The following SUPT5H variants were observed in gnomAD, a reference collection of about 807,000 sequenced individuals.
SUPT5H encodes the protein transcription elongation factor SPT5.
SUPT5H carries 24 observed loss-of-function variants against 142.5 expected under a neutral mutation model. The observed-to-expected ratio is 0.17, with a 90% CI of 0.12 to 0.24. The LOEUF is 0.24. Ranked by LOEUF, SUPT5H falls within the 10% of genes least tolerant of loss-of-function variation. The pLI is 1.00. For missense variants in SUPT5H, 893 were observed against 1,471.8 expected, an observed-to-expected ratio of 0.61 and a Z score of 6.43; for synonymous variants, 546 against 553.0, an observed-to-expected ratio of 0.99 and a Z score of 0.18.
rs2079214066 is a variant in SUPT5H, at chr19:39,464,845, C to T, written c.672C>T (p.Tyr224=). The T allele has an allele frequency of 2.5e-6, 4 of 1,614,116 alleles. No individual in the cohort carries two copies. The highest frequency in any genetic ancestry group is 3.4e-6 in the Non-Finnish European group (4 of 1,179,954). The stretch of plus-strand genomic sequence containing the variant: ...TGGCACCAGAGCATGTGAAGGGCTA[C>T]ATCTACGTGGAGGCCTACAAGCAGA... ...SVVAPEHVKG[Y]IYVEAYKQTH... is the part of the protein sequence containing the mutation. Residue 224 remains tyrosine, a synonymous_variant, in exon 11 of 30, where the codon TAC becomes TAT. Transcript: ENST00000432763.
intron 2 of SUPT5H, among the ~76,000 whole-genome samples, chr19:39,452,887 C>T (rs1189781483): frequency 6.6e-6 from 1 of 151,890 alleles, no homozygotes; most frequent in African/African-American, 2.4e-5. Flanking sequence ...GTGGCGCACA[C>T]CTGTAATCTC....
In SUPT5H at chr19:39,473,813, G is replaced by T; in HGVS notation, c.2493-150G>T. On this transcript the variant is annotated intron_variant, in intron 25 of 29. Transcript: ENST00000432763. The surrounding 1 kb of genome is among the most constrained non-coding windows in gnomAD (Gnocchi z 5.8). ...ATCTCTGTCAACCACAGTGTCAGCTGTGGAAGGGAAATAACATCAGGAGTG... is the reference window on the plus strand; with the variant it reads ...ATCTCTGTCAACCACAGTGTCAGCTTTGGAAGGGAAATAACATCAGGAGTG... 8.7e-7 allele frequency: 1 copy of T among 1,148,142 alleles called. No individual in the cohort carries two copies. Among genetic ancestry groups the T allele is most frequent in the Non-Finnish European group, 1.3e-6 (1 of 785,146 alleles). 71.1% of individuals were successfully genotyped at this position (1,148,142 alleles called of 1,614,324 possible). A position where few individuals can be genotyped will look rare whatever the true frequency, so the allele number is the denominator to read the frequency against.
chr19:39,453,012 CAAAA>C (rs201092518), intron 2 of SUPT5H, among the ~76,000 whole-genome samples: 9 of 109,320 alleles, frequency 8.2e-5, no homozygotes, highest in Admixed American at 9.6e-5. Context: ...GACTCTGTCT[CAAAA>C]AAAAAAAAAA....
intron 3 of SUPT5H, among the ~76,000 whole-genome samples, chr19:39,454,074 A>G (rs534511663): frequency 3.3e-5 from 5 of 152,214 alleles, no homozygotes; most frequent in Non-Finnish European, 5.9e-5. Flanking sequence ...AGGTAGTCTG[A>G]GAATCTAATT....
Position 39,458,262 on chromosome 19 carries a change from CCACCACCACCA to C in SUPT5H, c.308-30_308-20del. On this transcript the variant is annotated intron_variant, in intron 4 of 29. Transcript: ENST00000432763. This position sits in a 1 kb window ranked among gnomAD's most constrained non-coding sequence, Gnocchi z 4.2. Reference sequence around the variant, plus strand: ...ACCACCACCACCACCACCACCACCACCACCACCACCACCTCCTCTTCCTCCAAGTAGAAGAG... The same window carrying C: ...ACCACCACCACCACCACCACCACCACCCTCCTCTTCCTCCAAGTAGAAGAG... The C allele has an allele frequency of 6.3e-7, 1 of 1,589,786 alleles. No individual in the cohort carries two copies. The highest frequency in any genetic ancestry group is 8.5e-7 in the Non-Finnish European group (1 of 1,170,394).
At position 39,469,191 on chromosome 19, in the gene SUPT5H, T is replaced by C; in HGVS notation, c.1237+19T>C. 6.2e-7 allele frequency: 1 copy of C among 1,614,168 alleles called. No individual in the cohort carries two copies. Among genetic ancestry groups the C allele is most frequent in the South Asian group, 1.1e-5 (1 of 91,086 alleles). ...AGCACAGGTATTTGATCCCCCTCTA[T>C]AACCTGGGCCAAGGAGCAGGGGCGG... is the stretch of plus-strand genomic sequence containing the variant. On this transcript the variant is annotated intron_variant, in intron 15 of 29. Transcript: ENST00000432763. This position sits in a 1 kb window ranked among gnomAD's most constrained non-coding sequence, Gnocchi z 5.1.
Position 39,472,497 on chromosome 19 carries a change from A to G in SUPT5H, c.2035+4A>G, listed in dbSNP as rs764758361. On this transcript the variant is annotated splice_donor_region_variant and intron_variant, in intron 21 of 29. Coordinates refer to ENST00000432763, the MANE Select transcript of SUPT5H (RefSeq NM_001111020.3). The surrounding 1 kb of genome is among the most constrained non-coding windows in gnomAD (Gnocchi z 4.2). The stretch of plus-strand genomic sequence containing the variant: ...CCCATGCACCCCAGTGCTGGAGGTG[A>G]GAGGGGTTCAGGGTCAGGGGATGTG... The G allele has an allele frequency of 6.2e-6, 10 of 1,613,618 alleles. No homozygotes were observed. The Admixed American group carries it at 1.7e-4, about 27-fold the overall frequency.
chr19:39,446,756 T>G (rs2078959525), intron 2 of SUPT5H, among the ~76,000 whole-genome samples: 1 of 152,068 alleles, frequency 6.6e-6, no homozygotes, highest in Non-Finnish European at 1.5e-5. Flanking sequence ...ACCTGTAATC[T>G]CAGCACTGTG....
At chr19:39,452,964 G>C (rs2079038679) in intron 2 of SUPT5H, among the ~76,000 whole-genome samples, 1 of 146,714 alleles carries the variant, frequency 6.8e-6, no homozygotes, top group South Asian at 2.1e-4. Flanking sequence ...AGTGAGCCAA[G>C]ATTCTGCCAT....
chr19:39,473,243 A>C lies in SUPT5H; in HGVS notation c.2299A>C (p.Arg767=). 1 of 1,613,550 alleles carries C rather than the reference A, an allele frequency of 6.2e-7. No homozygotes were observed. Among genetic ancestry groups the C allele is most frequent in the Middle Eastern group, 1.6e-4 (1 of 6,062 alleles). The change falls in exon 24 of 30, where the codon AGG becomes CGG. Residue 767 remains arginine (R), a synonymous_variant. Transcript: ENST00000432763. The surrounding 1 kb of genome is among the most constrained non-coding windows in gnomAD (Gnocchi z 5.8). ...GGGCGGCATGACCTCGACCTATGGGAGGACGCCCATGTATGGCTCCCAGAC... is the reference window on the plus strand; with the variant it reads ...GGGCGGCATGACCTCGACCTATGGGCGGACGCCCATGTATGGCTCCCAGAC... ...RPGGMTSTYG[R]TPMYGSQTPM... is the part of the protein sequence containing the mutation.
rs2079406035 is a variant in SUPT5H, at chr19:39,476,357, G to C, written c.3222G>C (p.Lys1074Asn). 1 of 1,614,028 alleles carries C rather than the reference G, an allele frequency of 6.2e-7. No homozygotes were observed. Among genetic ancestry groups the C allele is most frequent in the African/African-American group, 1.3e-5 (1 of 74,902 alleles). Residue 1074 changes from lysine to asparagine, a missense_variant, in exon 30 of 30, where the codon AAG becomes AAC. Physicochemically the swap from Lys to Asn is moderately conservative, Grantham distance 94 (BLOSUM62 0). Around this residue, in one of 6 missense-constraint regions of SUPT5H, gnomAD observed 336 missense variants for 546.5 expected, o/e 0.61. Coordinates refer to ENST00000432763, the MANE Select transcript of SUPT5H (RefSeq NM_001111020.3). ...IVRMDLDEQL[K>N]ILNLRFLGKL... ...GTATGGACCTTGATGAGCAGCTCAA[G>C]ATCCTCAACCTCCGCTTCCTGGGGA...
chr19:39,455,171 A>G (rs1432064885), intron 3 of SUPT5H, among the ~76,000 whole-genome samples: 1 of 152,206 alleles, frequency 6.6e-6, no homozygotes, highest in African/African-American at 2.4e-5. Context: ...TAAACAAATT[A>G]TGGGCCATAT....
chr19:39,454,353 GTTGTTTTT>G (rs1568420390), intron 3 of SUPT5H, among the ~76,000 whole-genome samples: 3 of 140,870 alleles, frequency 2.1e-5, no homozygotes, highest in Non-Finnish European at 3.1e-5. Flanking sequence ...TGTTGTTGTC[GTTGTTTTT>G]TTTTTTTTTT....
Position 39,472,537 on chromosome 19 carries a change from C to A in SUPT5H, c.2035+44C>A. The A allele has an allele frequency of 6.2e-7, 1 of 1,601,162 alleles. No homozygotes were observed. The highest frequency in any genetic ancestry group is 8.6e-7 in the Non-Finnish European group (1 of 1,169,514). On this transcript the variant is annotated intron_variant, in intron 21 of 29. Transcript: ENST00000432763. This position sits in a 1 kb window ranked among gnomAD's most constrained non-coding sequence, Gnocchi z 4.2. ...CAGGGGATGTGGTGGGTAGAAGGGG[C>A]TGGAAGGAACTTGGTTGTTCAGCCT...
intron 3 of SUPT5H, 40 bp from the exon 4 acceptor site, chr19:39,457,635 G>C: frequency 6.2e-7 from 1 of 1,606,562 alleles, no homozygotes; most frequent in Non-Finnish European, 8.5e-7. Flanking sequence ...GCTGTTATGA[G>C]GTCACCTTTG....
Position 39,465,025 on chromosome 19 carries a change from C to A in SUPT5H, c.852C>A (p.Gly284=), listed in dbSNP as rs1050905810. Residue 284 remains glycine (G), a synonymous_variant, in exon 11 of 30, where the codon GGC becomes GGA. Coordinates refer to ENST00000432763, the MANE Select transcript of SUPT5H (RefSeq NM_001111020.3). The part of the protein sequence containing the change: ...KPKSWVRLKR[G]IYKDDIAQVD... ...AGTCCTGGGTCCGCCTCAAGCGGGGCATCTACAAGGATGACATTGCTCAGG... is the reference window on the plus strand; with the variant it reads ...AGTCCTGGGTCCGCCTCAAGCGGGGAATCTACAAGGATGACATTGCTCAGG... The A allele has an allele frequency of 6.2e-7, 1 of 1,613,900 alleles. No individual in the cohort carries two copies.
chr19:39,469,786 G>A lies in SUPT5H; in HGVS notation c.1375-333G>A, dbSNP rs922841951. The A allele has an allele frequency of 6.3e-6, 3 of 474,838 alleles. No homozygotes were observed. In the South Asian group the frequency reaches 6.8e-5, roughly 11 times the overall value. The allele number at this position is 474,838 out of a possible 1,614,324, so 29.4% of individuals were successfully genotyped here. On this transcript the variant is annotated intron_variant, in intron 16 of 29. Transcript: ENST00000432763. This position sits in a 1 kb window ranked among gnomAD's most constrained non-coding sequence, Gnocchi z 5.1. ...GTTGTGCAGGCCCAGTGTGATGTGT[G>A]GGGTGAGGCTGTCTCCGGGTGGGGC...
chr19:39,475,121 T>C, intron 28 of SUPT5H: 1 of 230,076 alleles, frequency 4.3e-6, no homozygotes, highest in South Asian at 5.5e-5. Context: ...GCTTCACACC[T>C]GTAATCCCAG....
chr19:39,473,407 C>T lies in SUPT5H; in HGVS notation c.2387-9C>T, dbSNP rs779390723. ...GACAGGACAGACACACTCATTTCCC[C>T]CATTCCAGGTAGCCGCACCCCACAC... On this transcript the variant is annotated splice_polypyrimidine_tract_variant and intron_variant, in intron 24 of 29. Transcript: ENST00000432763. This position sits in a 1 kb window ranked among gnomAD's most constrained non-coding sequence, Gnocchi z 5.8. 2 of 1,613,262 alleles carry T rather than the reference C, an allele frequency of 1.2e-6. No individual in the cohort carries two copies. Among genetic ancestry groups the T allele is most frequent in the Admixed American group, 3.3e-5 (2 of 60,000 alleles).
Sources: allele counts gnomAD v4.1 joint callset (sites outside exome capture counted in the v4.1 genomes callset), GRCh38; gene constraint gnomAD v4.1.1; regional missense constraint gnomAD v4.1.1; non-coding constraint Gnocchi (gnomAD v3.1); transcripts MANE v1.5; gene names NCBI Gene and HGNC (gene_info 2026-07-23, HGNC 2026-07-21).